PDPR: variants seen among roughly 807,000 people sequenced by gnomAD.
PDPR encodes pyruvate dehydrogenase phosphatase regulatory subunit, also known as pyruvate dehydrogenase phosphatase regulatory subunit, mitochondrial.
Under a neutral mutation model 102.2 loss-of-function variants are expected in PDPR, and 50 were observed. The ratio of observed to expected loss-of-function variants is 0.49; its 90% CI spans 0.39 to 0.62. PDPR has a LOEUF of 0.62. Ranked by LOEUF, PDPR falls within the 20% of genes least tolerant of loss-of-function variation. The probability of loss-of-function intolerance (pLI) is 0.00; values close to 1 mark genes in which losing one functional copy is unlikely to be tolerated. For missense variants in PDPR, 625 were observed against 1,098.2 expected (o/e 0.57, Z 6.09); for synonymous variants, 259 against 406.0 (o/e 0.64, Z 4.35).
chr16:70,143,238 G>A (rs1965913194), intron 13 of PDPR, among the ~76,000 whole-genome samples: 1 of 152,196 alleles, frequency 6.6e-6, no homozygotes, highest in Non-Finnish European at 1.5e-5. Flanking sequence ...TAAGAATTCT[G>A]GTATATTTTA....
chr16:70,120,248 C>T (rs1963096662), intron 2 of PDPR: 1 of 433,528 alleles, frequency 2.3e-6, no homozygotes, highest in Non-Finnish European at 4.3e-6. Context: ...GACGGGGTTT[C>T]ACTGTGTTAG....
Position 70,120,565 on chromosome 16 carries a change from G to A in PDPR, c.73G>A (p.Ala25Thr). The change falls in exon 3 of 19, where the codon GCA becomes ACA. Residue 25 changes from alanine (A) to threonine (T), a missense_variant. Physicochemically the swap from Ala to Thr is moderately conservative, Grantham distance 58 (BLOSUM62 0). This residue lies in a region of PDPR where 84 missense variants were observed against 87.7 expected (regional missense o/e 0.96). Coordinates refer to ENST00000288050, the MANE Select transcript of PDPR (RefSeq NM_017990.5). ...CCCAGGATGGCAGAACTGGTCCTCT[G>A]CAAGAAACAGCACGTCAGCTGCCGA... ...ASPGWQNWSSARNSTSAAEAR... is the reference protein window; with the variant it reads ...ASPGWQNWSSTRNSTSAAEAR... 6.2e-7 allele frequency: 1 copy of A among 1,614,026 alleles called. No homozygotes were observed. The highest frequency in any genetic ancestry group is 1.1e-5 in the South Asian group (1 of 91,090).
Position 70,161,873 on chromosome 16 carries a change from T to C in PDPR, c.*4994T>C, listed in dbSNP as rs1197876624. 1 of 152,396 alleles carries C rather than the reference T, an allele frequency of 6.6e-6. No individual in the cohort carries two copies. The highest frequency in any genetic ancestry group is 1.9e-4 in the East Asian group (1 of 5,204). The allele number at this position is 152,396 out of a possible 1,614,324, so 9.4% of individuals were successfully genotyped here. ...TGTTTTTATCCTTTGCAGACCATCT[T>C]CTGCCTTCTTATTTTCCTGTCTGTC... is the stretch of plus-strand genomic sequence containing the variant. On this transcript the variant is annotated 3_prime_UTR_variant, in exon 19 of 19. Coordinates refer to ENST00000288050, the MANE Select transcript of PDPR (RefSeq NM_017990.5).
At chr16:70,149,975 A>G (rs1279530910) in intron 17 of PDPR, among the ~76,000 whole-genome samples, 4 of 151,468 alleles carry the variant, frequency 2.6e-5, no homozygotes, top group Non-Finnish European at 5.9e-5. Flanking sequence ...TATTTTTCAT[A>G]GAGACGGGGT....
chr16:70,125,131 C>G (rs966867241), intron 3 of PDPR, among the ~76,000 whole-genome samples: 2 of 152,234 alleles, frequency 1.3e-5, no homozygotes, highest in Non-Finnish European at 2.9e-5. Flanking sequence ...AATCCCAGCA[C>G]TTTGGGAGGC....
At chr16:70,152,525 A>G (rs892987877) in intron 17 of PDPR, among the ~76,000 whole-genome samples, 1 of 152,278 alleles carries the variant, frequency 6.6e-6, no homozygotes, top group Non-Finnish European at 1.5e-5. Context: ...CTCAAAAATA[A>G]ATAAGTAAAT....
chr16:70,120,819 T>C (rs1358233049), intron 3 of PDPR, 100 bp downstream of exon 3: 4 of 778,252 alleles, frequency 5.1e-6, no homozygotes, highest in African/African-American at 3.4e-5. Context: ...CTAATCTAAA[T>C]GTTGCTAAGT....
chr16:70,157,043 C>A lies in PDPR; in HGVS notation c.*164C>A. 1 of 1,024,460 alleles carries A rather than the reference C, an allele frequency of 9.8e-7. No homozygotes were observed. Among genetic ancestry groups the A allele is most frequent in the Non-Finnish European group, 1.5e-6 (1 of 680,226 alleles). The allele number at this position is 1,024,460 out of a possible 1,614,324, so 63.5% of individuals were successfully genotyped here. ...ACTTGACCTACTTTAAACTTTTTTG[C>A]TCTGCAGCCTTCCTTGCCCTTCCAC... On this transcript the variant is annotated 3_prime_UTR_variant, in exon 19 of 19. Transcript: ENST00000288050.
At position 70,153,395 on chromosome 16, in the gene PDPR, C is replaced by T. The variant is rs1305234674; in HGVS notation, c.2057C>T (p.Ala686Val). The T allele has an allele frequency of 1.9e-6, 3 of 1,612,778 alleles. No individual in the cohort carries two copies. The highest frequency in any genetic ancestry group is 1.6e-4 in the Middle Eastern group (1 of 6,080). Reference protein sequence around the residue: ...GFMLYIPIEYALHVYNEVMSV... With the variant: ...GFMLYIPIEYVLHVYNEVMSV... ...ACTTTCTGTCTCTTCCTATAGTACG[C>T]CCTGCATGTATACAATGAAGTGATG... The change falls in exon 18 of 19, where the codon GCC becomes GTC. Residue 686 changes from alanine to valine, a missense_variant. Ala to Val is a moderately conservative substitution (Grantham distance 64). Coordinates refer to ENST00000288050, the MANE Select transcript of PDPR (RefSeq NM_017990.5).
In PDPR at chr16:70,157,053, T is replaced by C. The variant is rs1022375232; in HGVS notation, c.*174T>C. On this transcript the variant is annotated 3_prime_UTR_variant, in exon 19 of 19. Transcript: ENST00000288050. ...CTTTAAACTTTTTTGCTCTGCAGCCTTCCTTGCCCTTCCACCTCCTCCTCC... is the reference window on the plus strand; with the variant it reads ...CTTTAAACTTTTTTGCTCTGCAGCCCTCCTTGCCCTTCCACCTCCTCCTCC... 7 of 888,722 alleles carry C rather than the reference T, an allele frequency of 7.9e-6. No individual in the cohort carries two copies. Among genetic ancestry groups the C allele is most frequent in the South Asian group, 2.9e-5 (2 of 69,502 alleles). 55.1% of individuals were successfully genotyped at this position (888,722 alleles called of 1,614,324 possible).
At chr16:70,139,268 G>A (rs539339130) in intron 11 of PDPR, among the ~76,000 whole-genome samples, 5 of 152,246 alleles carry the variant, frequency 3.3e-5, no homozygotes, top group Admixed American at 6.5e-5. Context: ...AGGAGTTACA[G>A]TTGGTACATA....
chr16:70,148,804 G>C (rs2432366), intron 17 of PDPR, among the ~76,000 whole-genome samples: 1 of 152,292 alleles, frequency 6.6e-6, no homozygotes, highest in South Asian at 2.1e-4. Flanking sequence ...GGCGCCGTCT[G>C]ATCTGTTCTC....
At chr16:70,124,550 G>A (rs536254028) in intron 3 of PDPR, among the ~76,000 whole-genome samples, 270 of 152,280 alleles carry the variant, frequency 1.8e-3, no homozygotes, top group African/African-American at 6.4e-3. Flanking sequence ...CCTCTCCCCA[G>A]AACAAACCAG....
Position 70,144,537 on chromosome 16 carries a change from C to CG in PDPR, c.1867+9dup, listed in dbSNP as rs1344847881. 1.7e-6 allele frequency: 1 copy of CG among 575,932 alleles called. No individual in the cohort carries two copies. Among genetic ancestry groups the CG allele is most frequent in the Admixed American group, 3.3e-5 (1 of 30,550 alleles). 35.7% of individuals were successfully genotyped at this position (575,932 alleles called of 1,614,324 possible). ...GACGTCACCTGGAAGTACACAGGTA[C>CG]GGGGGTTCGGGCTCTGCCACGTCGA... On this transcript the variant is annotated splice_donor_region_variant and intron_variant, in intron 15 of 18. Coordinates refer to ENST00000288050, the MANE Select transcript of PDPR (RefSeq NM_017990.5).
chr16:70,114,255 C>G (rs1468991126), upstream of PDPR: 1 of 152,218 alleles, frequency 6.6e-6, no homozygotes, highest in Non-Finnish European at 1.5e-5. Context: ...TACCCTTGCC[C>G]GGGGGCCGTA....
At chr16:70,146,039 G>C in intron 15 of PDPR, 95 bp from the exon 16 acceptor site, 1 of 1,478,338 alleles carries the variant, frequency 6.8e-7, no homozygotes, top group Non-Finnish European at 9.4e-7. Flanking sequence ...CTGCACCCAG[G>C]CCTGGCTATA....
chr16:70,127,048 G>T (rs1342389323), intron 3 of PDPR, among the ~76,000 whole-genome samples: 2 of 152,242 alleles, frequency 1.3e-5, no homozygotes, highest in African/African-American at 2.4e-5. Context: ...GGTTCTCCCT[G>T]TGTTGACCAG....
chr16:70,143,886 G>T (rs1965986519), intron 14 of PDPR, among the ~76,000 whole-genome samples: 1 of 152,038 alleles, frequency 6.6e-6, no homozygotes, highest in Non-Finnish European at 1.5e-5. Context: ...AAGATGCCTT[G>T]TCTTTTTTCT....
At position 70,120,506 on chromosome 16, in the gene PDPR, G is replaced by T; in HGVS notation, c.14G>T (p.Arg5Leu). 2 of 1,613,856 alleles carry T rather than the reference G, an allele frequency of 1.2e-6. No homozygotes were observed. Among genetic ancestry groups the T allele is most frequent in the Non-Finnish European group, 1.7e-6 (2 of 1,179,768 alleles). The change falls in exon 3 of 19, where the codon CGG becomes CTG. Residue 5 changes from arginine (R) to leucine (L), a missense_variant. This residue lies in a region of PDPR where 84 missense variants were observed against 87.7 expected (regional missense o/e 0.96). Transcript: ENST00000288050. The stretch of plus-strand genomic sequence containing the variant: ...TTGGTGAGAGACATGATGTTCTACC[G>T]GTTGCTGTCGATTGTTGGAAGACAA... MMFYRLLSIVGRQRA... is the reference protein window; with the variant it reads MMFYLLLSIVGRQRA...
Sources: gnomAD v4.1 joint callset for allele counts (sites outside exome capture counted in the v4.1 genomes callset) on GRCh38, gnomAD v4.1.1 for gene constraint, gnomAD v4.1.1 regional missense constraint, MANE v1.5 for transcripts, NCBI Gene and HGNC (gene_info 2026-07-23, HGNC 2026-07-21) for gene names.